The following FER variants were observed in gnomAD, a reference collection of about 807,000 sequenced individuals.
FER encodes tyrosine-protein kinase Fer.
In FER, 63 loss-of-function variants were observed where a neutral mutation model predicts 111.0. That is an observed-to-expected ratio of 0.57 (90% CI 0.46 to 0.70). FER has a LOEUF of 0.70. Among genes scored for constraint, FER ranks in the 30% least tolerant of loss-of-function variants. The probability of loss-of-function intolerance (pLI) is 0.00; values close to 1 mark genes in which losing one functional copy is unlikely to be tolerated. For synonymous variants in FER, 327 were observed against 313.9 expected, an observed-to-expected ratio of 1.04 and a Z score of -0.44; for missense variants, 914 against 954.0, an observed-to-expected ratio of 0.96 and a Z score of 0.55.
intron 2 of FER, among the ~76,000 whole-genome samples, chr5:108,786,028 T>C (rs1754679890): frequency 1.3e-5 from 2 of 152,366 alleles, no homozygotes; most frequent in Admixed American, 1.3e-4. Context: ...GTTTTCCTTC[T>C]AATTTCAGTT....
chr5:108,908,418 G>T (rs1244787977), intron 10 of FER, among the ~76,000 whole-genome samples: 1 of 152,038 alleles, frequency 6.6e-6, no homozygotes, highest in Non-Finnish European at 1.5e-5. Context: ...GTTTTTGGGT[G>T]CTCATTAAAA....
rs1759690462 is a variant in FER at position 109,195,641 on chromosome 5, T to C, written c.*8066T>C. On this transcript the variant is annotated 3_prime_UTR_variant, in exon 20 of 20. Coordinates refer to ENST00000281092, the MANE Select transcript of FER (RefSeq NM_005246.4). ...AGTGTCCAAAGACATGAAACTCTTA[T>C]ACCTGCTGAGCATTTCACTTTACTA... The C allele has an allele frequency of 1.3e-5, 2 of 152,300 alleles. No individual in the cohort carries two copies. The highest frequency in any genetic ancestry group is 4.1e-4 in the South Asian group (2 of 4,822). The allele number at this position is 152,300 out of a possible 1,614,324, so 9.4% of individuals were successfully genotyped here. A position where few individuals can be genotyped will look rare whatever the true frequency, so the allele number is the denominator to read the frequency against.
chr5:108,881,017 A>T (rs1765623669), intron 8 of FER, among the ~76,000 whole-genome samples: 1 of 152,172 alleles, frequency 6.6e-6, no homozygotes, highest in African/African-American at 2.4e-5. Context: ...AAACAATGAT[A>T]TATATGGAGT....
At chr5:108,975,340 C>T (rs1008623712) in intron 13 of FER, among the ~76,000 whole-genome samples, 15 of 151,952 alleles carry the variant, frequency 9.9e-5, no homozygotes, top group Non-Finnish European at 2.1e-4. Context: ...ATAGGTGCAG[C>T]GAACCACCAT....
At chr5:108,802,022 A>C (rs1454166320) in intron 3 of FER, among the ~76,000 whole-genome samples, 3 of 152,154 alleles carry the variant, frequency 2.0e-5, no homozygotes, top group Admixed American at 6.5e-5. Context: ...TCATCATACT[A>C]CTCAGAGCGG....
At chr5:109,045,200 C>T (rs1771775324) in intron 15 of FER, among the ~76,000 whole-genome samples, 1 of 151,776 alleles carries the variant, frequency 6.6e-6, no homozygotes, top group Admixed American at 6.6e-5. Context: ...GTTTTCTCAG[C>T]TGTTAGGTTT....
intron 10 of FER, among the ~76,000 whole-genome samples, chr5:108,927,352 C>T (rs1360472477): frequency 1.3e-5 from 2 of 148,774 alleles, no homozygotes; most frequent in African/African-American, 5.0e-5. Flanking sequence ...GCTCCGCTTC[C>T]CGGGTTCACG....
intron 2 of FER, among the ~76,000 whole-genome samples, chr5:108,776,469 T>C (rs1470723855): frequency 6.6e-6 from 1 of 152,190 alleles, no homozygotes; most frequent in Admixed American, 6.5e-5. Context: ...TCCATCTTTG[T>C]ACTTGGAGAA....
chr5:108,865,167 G>T (rs1276480070), intron 5 of FER, among the ~76,000 whole-genome samples: 1 of 152,064 alleles, frequency 6.6e-6, no homozygotes, highest in Non-Finnish European at 1.5e-5. Flanking sequence ...TCTGTTATTG[G>T]TGTATAAGAA....
At chr5:108,800,736 C>T (rs1194947061) in intron 3 of FER, among the ~76,000 whole-genome samples, 1 of 152,174 alleles carries the variant, frequency 6.6e-6, no homozygotes, top group Non-Finnish European at 1.5e-5. Context: ...TTGTGCTTTT[C>T]GTATTATATC....
At chr5:108,843,840 T>C (rs781642424) in intron 5 of FER, among the ~76,000 whole-genome samples, 77 of 152,102 alleles carry the variant, frequency 5.1e-4, no homozygotes, top group Non-Finnish European at 1.0e-4. Flanking sequence ...AGTTGAAATT[T>C]TTATAAAATC....
intron 13 of FER, among the ~76,000 whole-genome samples, chr5:108,998,874 A>C (rs1764351279): frequency 1.3e-5 from 2 of 151,924 alleles, no homozygotes; most frequent in South Asian, 4.1e-4. Context: ...TTTACTGAGG[A>C]TTTTTGCCTC....
At chr5:108,823,346 T>G (rs1759099430) in intron 3 of FER, among the ~76,000 whole-genome samples, 1 of 152,268 alleles carries the variant, frequency 6.6e-6, no homozygotes. Context: ...TTTAATTTTT[T>G]GAGGAACCTC....
chr5:108,771,005 C>T (rs566562799), intron 2 of FER, among the ~76,000 whole-genome samples: 107 of 150,952 alleles, frequency 7.1e-4, no homozygotes, highest in Non-Finnish European at 8.4e-4. Flanking sequence ...GGTGTGATCT[C>T]GGCTCACTGC....
chr5:109,083,548 A>G (rs1175835655), intron 16 of FER, among the ~76,000 whole-genome samples: 1 of 152,082 alleles, frequency 6.6e-6, no homozygotes, highest in Non-Finnish European at 1.5e-5. Context: ...TATTTGCGAC[A>G]TTCCTCTAAT....
chr5:108,892,312 T>C (rs1176112246), intron 9 of FER, among the ~76,000 whole-genome samples: 3 of 152,294 alleles, frequency 2.0e-5, no homozygotes, highest in Non-Finnish European at 2.9e-5. Context: ...TTTCTCCACA[T>C]CCTCTCCAGC....
chr5:109,159,532 A>G (rs1467145835), intron 17 of FER, among the ~76,000 whole-genome samples: 1 of 152,198 alleles, frequency 6.6e-6, no homozygotes, highest in South Asian at 2.1e-4. Flanking sequence ...GAGAGACAAT[A>G]CATGTCAAGA....
At chr5:109,147,800 T>TATAGAG (rs1487827199) in intron 17 of FER, among the ~76,000 whole-genome samples, 2,073 of 118,476 alleles carry the variant, frequency 0.017, 20 homozygotes, top group Admixed American at 0.024. Flanking sequence ...TATATATATA[T>TATAGAG]AGAGAGAGAG....
chr5:108,950,280 T>A (rs1437465781), intron 11 of FER, among the ~76,000 whole-genome samples: 1 of 152,186 alleles, frequency 6.6e-6, no homozygotes, highest in South Asian at 2.1e-4. Context: ...TAATTCTTTA[T>A]AGTTACTATC....
Sources: allele counts gnomAD v4.1 joint callset (sites outside exome capture counted in the v4.1 genomes callset), GRCh38; gene constraint gnomAD v4.1.1; transcripts MANE v1.5; gene names NCBI Gene and HGNC (gene_info 2026-07-23, HGNC 2026-07-21).